LRP1B: variants seen among roughly 807,000 people sequenced by gnomAD.
The protein encoded by LRP1B is low-density lipoprotein receptor-related protein 1B.
A neutral mutation model predicts 556.6 loss-of-function variants in LRP1B; 217 were observed. The ratio of observed to expected loss-of-function variants is 0.39; its 90% CI spans 0.35 to 0.44. The LOEUF (loss-of-function observed/expected upper bound fraction) is 0.44. Ranked by LOEUF, LRP1B falls within the 20% of genes least tolerant of loss-of-function variation. LRP1B has a pLI of 1.00. For missense variants in LRP1B, 5,053 were observed against 5,620.8 expected (o/e 0.90, Z 3.23); for synonymous variants, 2,047 against 1,865.8 (o/e 1.10, Z -2.50).
intron 41 of LRP1B, among the ~76,000 whole-genome samples, chr2:140,604,228 GAAAA>G (rs67568538): frequency 2.2e-5 from 3 of 136,770 alleles, no homozygotes; most frequent in Non-Finnish European, 4.8e-5. Flanking sequence ...CACTTGCCAA[GAAAA>G]AAAAAAAAAA....
chr2:141,442,506 T>A (rs896578783), intron 3 of LRP1B, among the ~76,000 whole-genome samples: 4 of 151,288 alleles, frequency 2.6e-5, no homozygotes, highest in Non-Finnish European at 4.4e-5. Flanking sequence ...GTTATACAAG[T>A]GCCATGGTGG....
chr2:141,447,235 T>C (rs1401281760), intron 3 of LRP1B, among the ~76,000 whole-genome samples: 2 of 151,676 alleles, frequency 1.3e-5, no homozygotes, highest in African/African-American at 4.8e-5. Context: ...CTTCACGAAG[T>C]ACTCGTGCTG....
chr2:141,948,095 G>A (rs1322742936), intron 1 of LRP1B, among the ~76,000 whole-genome samples: 1 of 151,906 alleles, frequency 6.6e-6, no homozygotes, highest in African/African-American at 2.4e-5. Context: ...GTCAGGAGTT[G>A]GAGACCAGCC....
intron 3 of LRP1B, among the ~76,000 whole-genome samples, chr2:141,418,305 C>A (rs1320179493): frequency 6.6e-6 from 1 of 152,086 alleles, no homozygotes; most frequent in Non-Finnish European, 1.5e-5. Context: ...TTCAAAAAAT[C>A]ATGAATATCA....
intron 2 of LRP1B, among the ~76,000 whole-genome samples, chr2:141,795,860 ATATATATATATATATATATATATATATAT>A (rs1695789073): frequency 1.4e-5 from 1 of 69,344 alleles, no homozygotes; most frequent in Non-Finnish European, 3.2e-5. Flanking sequence ...CAGGAGCAAT[ATATATATATATATATATATATATATATAT>A]ATATATATAT....
rs779786475 is a variant in LRP1B, at chr2:140,902,972, T to C, written c.3714A>G (p.Ser1238=). The change falls in exon 23 of 91, where the codon TCA becomes TCG. Residue 1238 remains serine, a synonymous_variant. Transcript: ENST00000389484. ...CEQHKHTVKC[S]CYEGWKLDVD... ...CATCCAGCTTCCAACCTTCATAACA[T>C]GAGCACTTGACTGTGTGCTTGTGCT... The C allele has an allele frequency of 1.9e-6, 3 of 1,613,528 alleles. No individual in the cohort carries two copies. The highest frequency in any genetic ancestry group is 2.2e-5 in the East Asian group (1 of 44,854).
At chr2:141,786,879 G>A (rs1032535283) in intron 2 of LRP1B, among the ~76,000 whole-genome samples, 2 of 151,862 alleles carry the variant, frequency 1.3e-5, no homozygotes, top group African/African-American at 2.4e-5. Flanking sequence ...AAATGCCTTC[G>A]CTGCATACAT....
chr2:140,888,439 G>T (rs1693703309), intron 23 of LRP1B, among the ~76,000 whole-genome samples: 1 of 151,524 alleles, frequency 6.6e-6, no homozygotes, highest in Admixed American at 6.6e-5. Flanking sequence ...AAAGCCATTT[G>T]TTTAAAAGAA....
intron 1 of LRP1B, among the ~76,000 whole-genome samples, chr2:141,886,964 CTTTTTTT>C (rs66668893): frequency 2.1e-5 from 3 of 142,208 alleles, no homozygotes; most frequent in African/African-American, 7.6e-5. Context: ...TTTTCTTTTT[CTTTTTTT>C]TTTTTTTTGG....
rs1398152267 is a variant in LRP1B, at chr2:140,460,312, A to G, written c.9626-2661T>C. On this transcript the variant is annotated intron_variant, in intron 60 of 90. Transcript: ENST00000389484. Reference sequence around the variant, plus strand: ...GCCAACTAAACTTATTTTCTTTGTAAATTACCAAATCTGTAGTATTTTTTC... The same window carrying G: ...GCCAACTAAACTTATTTTCTTTGTAGATTACCAAATCTGTAGTATTTTTTC... Among the ~76,000 whole-genome samples, 4 of 152,150 alleles carry G rather than the reference A, an allele frequency of 2.6e-5. No individual in the cohort carries two copies. In the South Asian group the frequency reaches 8.3e-4, roughly 32 times the overall value.
chr2:142,080,061 A>T (rs1705655795), intron 1 of LRP1B, among the ~76,000 whole-genome samples: 1 of 151,698 alleles, frequency 6.6e-6, no homozygotes, highest in African/African-American at 2.4e-5. Context: ...AACATTTTGT[A>T]CACAGCCATG....
At chr2:141,736,914 A>G (rs1321659704) in intron 2 of LRP1B, among the ~76,000 whole-genome samples, 1 of 152,198 alleles carries the variant, frequency 6.6e-6, no homozygotes, top group Admixed American at 6.5e-5. Context: ...TGAGACGCAG[A>G]ATAGTAAGTG....
At chr2:141,657,007 AG>A (rs1470903323) in intron 2 of LRP1B, among the ~76,000 whole-genome samples, 2 of 152,128 alleles carry the variant, frequency 1.3e-5, no homozygotes, top group Admixed American at 6.5e-5. Context: ...AGGATTTCTA[AG>A]CTCTTTTGGA....
intron 3 of LRP1B, among the ~76,000 whole-genome samples, chr2:141,423,309 TTTTTTTTA>T (rs1462225363): frequency 1.6e-5 from 2 of 126,520 alleles, no homozygotes; most frequent in East Asian, 2.8e-4. Context: ...TTTTTTTTTT[TTTTTTTTA>T]AGGGCAAATA....
intron 58 of LRP1B, among the ~76,000 whole-genome samples, chr2:140,485,881 A>ACACG (rs1355294388): frequency 1.3e-5 from 2 of 150,364 alleles, no homozygotes; most frequent in African/African-American, 4.9e-5. Context: ...ACACACACAC[A>ACACG]CAAACTTAGA....
intron 3 of LRP1B, among the ~76,000 whole-genome samples, chr2:141,375,620 T>C (rs1476134740): frequency 6.6e-6 from 1 of 152,156 alleles, no homozygotes; most frequent in Non-Finnish European, 1.5e-5. Context: ...CATGTCCCTC[T>C]CACAGCTGGG....
chr2:141,790,325 G>GA (rs70994452), intron 2 of LRP1B, among the ~76,000 whole-genome samples: 384 of 147,536 alleles, frequency 2.6e-3, no homozygotes, highest in African/African-American at 8.0e-3. Flanking sequence ...AAGCATTTTA[G>GA]AAAAAAAAAA....
chr2:141,643,894 C>G (rs1436494605), intron 2 of LRP1B, among the ~76,000 whole-genome samples: 1 of 151,898 alleles, frequency 6.6e-6, no homozygotes, highest in Non-Finnish European at 1.5e-5. Context: ...ATAACAGCGA[C>G]CTTATAGGGC....
chr2:141,934,627 G>A (rs1057282348), intron 1 of LRP1B, among the ~76,000 whole-genome samples: 1 of 152,172 alleles, frequency 6.6e-6, no homozygotes, highest in African/African-American at 2.4e-5. Context: ...TTGTGGGAGG[G>A]ACCAGGTGGA....
Sources: allele counts gnomAD v4.1 joint callset (sites outside exome capture counted in the v4.1 genomes callset), GRCh38; gene constraint gnomAD v4.1.1; transcripts MANE v1.5; gene names NCBI Gene and HGNC (gene_info 2026-07-23, HGNC 2026-07-21).